The following RANBP17 variants were observed in gnomAD, a reference collection of about 807,000 sequenced individuals.
RANBP17 encodes ran-binding protein 17.
RANBP17 carries 158 observed loss-of-function variants against 141.2 expected under a neutral mutation model. That is an observed-to-expected ratio of 1.12 (90% confidence interval 0.98 to 1.28). The LOEUF is 1.28. RANBP17 is among the 50% of genes most tolerant of loss of function. RANBP17 has a pLI of 0.00. For synonymous variants in RANBP17, 430 were observed against 450.0 expected (o/e 0.96, Z 0.56); for missense variants, 1,438 against 1,290.7 (o/e 1.11, Z -1.75).
Position 170,918,814 on chromosome 5 carries a change from T to A in RANBP17, c.1056T>A (p.Pro352=). 6.3e-7 allele frequency: 1 copy of A among 1,596,906 alleles called. No individual in the cohort carries two copies. Among genetic ancestry groups the A allele is most frequent in the Non-Finnish European group, 8.5e-7 (1 of 1,170,348 alleles). ...LGELVMVKEY[P]EVIRLIANFT... is the part of the protein sequence containing the mutation. ...AATTAGTTATGGTGAAGGAATATCCTGAAGTTATTAGATTGATTGCTAATT... is the reference window on the plus strand; with the variant it reads ...AATTAGTTATGGTGAAGGAATATCCAGAAGTTATTAGATTGATTGCTAATT... Residue 352 remains proline, a synonymous_variant, in exon 10 of 28, where the codon CCT becomes CCA. Coordinates refer to ENST00000523189, the MANE Select transcript of RANBP17 (RefSeq NM_022897.5).
chr5:171,073,634 T>C (rs1784749858), intron 14 of RANBP17, among the ~76,000 whole-genome samples: 2 of 152,140 alleles, frequency 1.3e-5, no homozygotes, highest in Admixed American at 6.6e-5. Context: ...TGGCTTAGTG[T>C]ACATGTGTGT....
chr5:171,112,487 G>A (rs939560513), intron 14 of RANBP17, among the ~76,000 whole-genome samples: 8 of 151,784 alleles, frequency 5.3e-5, no homozygotes, highest in African/African-American at 1.9e-4. Flanking sequence ...ATATTATGCA[G>A]CAAGCAGGTC....
In RANBP17 at chr5:170,914,036, A is replaced by G. The variant is rs975444298; in HGVS notation, c.761-131A>G. ...TTCAAAGGAAAATAGCTAGGAATTA[A>G]AAATAGGCCTAACTGGAAGGAATGG... On this transcript the variant is annotated intron_variant, in intron 7 of 27. Coordinates refer to ENST00000523189, the MANE Select transcript of RANBP17 (RefSeq NM_022897.5). The G allele has an allele frequency of 1.2e-5, 8 of 643,732 alleles. No homozygotes were observed. In the African/African-American group the frequency reaches 1.3e-4, roughly 10 times the overall value. The allele number at this position is 643,732 out of a possible 1,614,324, so 39.9% of individuals were successfully genotyped here. A position where few individuals can be genotyped will look rare whatever the true frequency, so the allele number is the denominator to read the frequency against.
At chr5:171,198,406 G>A (rs1192029074) in intron 18 of RANBP17, among the ~76,000 whole-genome samples, 4 of 152,180 alleles carry the variant, frequency 2.6e-5, no homozygotes, top group African/African-American at 9.7e-5. Context: ...GAAATTGAAG[G>A]AAAGAGATAA....
intron 21 of RANBP17, among the ~76,000 whole-genome samples, chr5:171,218,810 G>C (rs1257542917): frequency 6.6e-6 from 1 of 151,578 alleles, no homozygotes; most frequent in Admixed American, 6.6e-5. Context: ...ATGTGAGATG[G>C]GTCTCCTGAA....
intron 26 of RANBP17, among the ~76,000 whole-genome samples, chr5:171,294,189 C>T (rs541387501): frequency 3.9e-5 from 6 of 152,286 alleles, no homozygotes; most frequent in East Asian, 1.9e-4. Context: ...GGCCTCAAAA[C>T]GAGTGCTTCT....
chr5:171,030,206 T>C (rs1781470268), intron 14 of RANBP17, among the ~76,000 whole-genome samples: 1 of 152,096 alleles, frequency 6.6e-6, no homozygotes, highest in African/African-American at 2.4e-5. Flanking sequence ...TTGAGATACA[T>C]TGTTTTGTGT....
intron 1 of RANBP17, among the ~76,000 whole-genome samples, chr5:170,868,899 T>A (rs1232014535): frequency 1.3e-5 from 2 of 152,218 alleles, no homozygotes; most frequent in Non-Finnish European, 2.9e-5. Flanking sequence ...TGGGCTTAAT[T>A]GCTTTATACG....
At chr5:171,100,903 T>C (rs1200399024) in intron 14 of RANBP17, among the ~76,000 whole-genome samples, 1 of 152,198 alleles carries the variant, frequency 6.6e-6, no homozygotes, top group Non-Finnish European at 1.5e-5. Flanking sequence ...CATGTAGTTG[T>C]GCAGTTTTGA....
chr5:171,052,899 C>T (rs1393297852), intron 14 of RANBP17, among the ~76,000 whole-genome samples: 2 of 152,156 alleles, frequency 1.3e-5, no homozygotes, highest in African/African-American at 2.4e-5. Flanking sequence ...GTTGCCCAGG[C>T]TGGGGTACAA....
At chr5:171,295,855 C>T (rs1768782292) in intron 26 of RANBP17, 32 bp from the exon 27 acceptor site, 6 of 1,606,444 alleles carry the variant, frequency 3.7e-6, no homozygotes, top group Non-Finnish European at 5.1e-6. Context: ...GACTTGGAGT[C>T]GGAGCTCTGA....
At chr5:171,155,502 A>G (rs1453276801) in intron 14 of RANBP17, among the ~76,000 whole-genome samples, 2 of 152,166 alleles carry the variant, frequency 1.3e-5, no homozygotes, top group Non-Finnish European at 2.9e-5. Flanking sequence ...CTCCACATAC[A>G]TTGATGTTAT....
chr5:171,051,854 GT>G (rs1782972248), intron 14 of RANBP17, among the ~76,000 whole-genome samples: 1 of 152,124 alleles, frequency 6.6e-6, no homozygotes, highest in Non-Finnish European at 1.5e-5. Flanking sequence ...CACCAGCAAT[GT>G]AAAAGAGTTT....
chr5:170,909,788 T>G, intron 6 of RANBP17, 23 bp downstream of exon 6: 1 of 1,143,908 alleles, frequency 8.7e-7, no homozygotes, highest in Non-Finnish European at 1.3e-6. Flanking sequence ...ATAATTCAAC[T>G]TCCTAGTTAG....
At chr5:170,992,196 C>T (rs906155448) in intron 14 of RANBP17, among the ~76,000 whole-genome samples, 2 of 151,986 alleles carry the variant, frequency 1.3e-5, no homozygotes, top group Non-Finnish European at 2.9e-5. Context: ...CCATCCATTC[C>T]TCCTCTTTTG....
At chr5:171,274,300 C>T (rs1439696671) in intron 25 of RANBP17, among the ~76,000 whole-genome samples, 1 of 151,930 alleles carries the variant, frequency 6.6e-6, no homozygotes, top group East Asian at 1.9e-4. Flanking sequence ...GTGACCATTG[C>T]CTCAAGAGAT....
chr5:171,242,959 G>A, intron 24 of RANBP17, 139 bp downstream of exon 24: 1 of 766,436 alleles, frequency 1.3e-6, no homozygotes, highest in Non-Finnish European at 2.1e-6. Flanking sequence ...ATTATTACTT[G>A]CAAGTGGGAA....
intron 3 of RANBP17, among the ~76,000 whole-genome samples, chr5:170,889,146 T>A (rs75922981): frequency 0.029 from 4,380 of 151,822 alleles, 208 homozygotes; most frequent in African/African-American, 0.098. Flanking sequence ...TCTCTCACAC[T>A]CTCTCTCCAG....
chr5:171,046,693 G>GAA (rs538535986), intron 14 of RANBP17, among the ~76,000 whole-genome samples: 1 of 150,784 alleles, frequency 6.6e-6, no homozygotes, highest in Admixed American at 6.6e-5. Flanking sequence ...GTTGCTGGAT[G>GAA]AAAAAAAAAT....
Sources: gnomAD v4.1 joint callset for allele counts (sites outside exome capture counted in the v4.1 genomes callset) on GRCh38, gnomAD v4.1.1 for gene constraint, MANE v1.5 for transcripts, NCBI Gene and HGNC (gene_info 2026-07-23, HGNC 2026-07-21) for gene names.